Variants in CLPB observed in about 807,000 individuals in gnomAD.
CLPB encodes ClpB family mitochondrial disaggregase.
In CLPB, 40 loss-of-function variants were observed where a neutral mutation model predicts 78.4. That is an observed-to-expected ratio of 0.51 (90% confidence interval 0.40 to 0.66). The LOEUF is 0.66. Ranked by LOEUF, CLPB falls within the 30% of genes least tolerant of loss-of-function variation. The probability of loss-of-function intolerance (pLI) is 0.00; values close to 1 mark genes in which losing one functional copy is unlikely to be tolerated. For missense variants in CLPB, 780 were observed against 886.9 expected, an observed-to-expected ratio of 0.88 and a Z score of 1.53; for synonymous variants, 333 against 348.0, an observed-to-expected ratio of 0.96 and a Z score of 0.48.
At chr11:72,384,687 C>T (rs544458570) in intron 3 of CLPB, among the ~76,000 whole-genome samples, 2 of 151,544 alleles carry the variant, frequency 1.3e-5, no homozygotes, top group African/African-American at 2.4e-5. Context: ...AGACTAAATA[C>T]GAAGGAATGG....
At chr11:72,303,553 C>T (rs1949696658) in intron 9 of CLPB, among the ~76,000 whole-genome samples, 1 of 152,160 alleles carries the variant, frequency 6.6e-6, no homozygotes, top group Non-Finnish European at 1.5e-5. Flanking sequence ...TCCTGTGTTA[C>T]AGAAGGCTCT....
At chr11:72,377,872 C>T (rs74822582) in intron 4 of CLPB, among the ~76,000 whole-genome samples, 1,552 of 152,288 alleles carry the variant, frequency 0.01, 28 homozygotes, top group East Asian at 0.063. Context: ...CACATCACTT[C>T]GTTTGTGTAT....
At chr11:72,387,557 T>C (rs1384480889) in intron 3 of CLPB, among the ~76,000 whole-genome samples, 1 of 151,972 alleles carries the variant, frequency 6.6e-6, no homozygotes, top group Non-Finnish European at 1.5e-5. Context: ...CTTGGACCAG[T>C]GACTACACCT....
chr11:72,407,588 A>G (rs1411766729), intron 2 of CLPB, among the ~76,000 whole-genome samples: 1 of 152,178 alleles, frequency 6.6e-6, no homozygotes, highest in African/African-American at 2.4e-5. Context: ...TATCATTTCA[A>G]TGAAAGAACA....
chr11:72,375,777 G>A (rs1854670086), intron 4 of CLPB, among the ~76,000 whole-genome samples: 1 of 152,252 alleles, frequency 6.6e-6, no homozygotes, highest in Admixed American at 6.5e-5. Context: ...AACTGGCAGA[G>A]TGCCTGATAC....
At chr11:72,385,378 GA>G (rs1855044559) in intron 3 of CLPB, among the ~76,000 whole-genome samples, 2 of 152,170 alleles carry the variant, frequency 1.3e-5, no homozygotes, top group East Asian at 3.9e-4. Flanking sequence ...AGAAAATATA[GA>G]TAACCAAAAG....
At position 72,329,778 on chromosome 11, in the gene CLPB, T is replaced by C. The variant is rs1432534246; in HGVS notation, c.802A>G (p.Met268Val). 1.2e-6 allele frequency: 2 copies of C among 1,613,810 alleles called. No individual in the cohort carries two copies. The highest frequency in any genetic ancestry group is 1.3e-5 in the African/African-American group (1 of 74,886). ...GCATAATCCAAGGGTGTGTGTCCCA[T>C]TTCATTCCTCTGCAGGGGGTTGGCT... ...GGANPLQRNE[M>V]GHTPLDYARE... The change falls in exon 6 of 16, where the codon ATG (methionine) becomes GTG (valine). Residue 268 changes from methionine (M) to valine (V), a missense_variant. Physicochemically the swap from Met to Val is conservative, Grantham distance 21 (BLOSUM62 1). Coordinates refer to ENST00000538039, the MANE Select transcript of CLPB (RefSeq NM_001258392.3).
chr11:72,378,533 A>G (rs1270657121), intron 4 of CLPB, among the ~76,000 whole-genome samples: 1 of 152,222 alleles, frequency 6.6e-6, no homozygotes, highest in African/African-American at 2.4e-5. Flanking sequence ...CCATGATTCA[A>G]TTACTTTTCC....
At chr11:72,322,188 A>G (rs1318389662) in intron 6 of CLPB, among the ~76,000 whole-genome samples, 3 of 152,122 alleles carry the variant, frequency 2.0e-5, no homozygotes, top group African/African-American at 7.2e-5. Context: ...CAGCCCCTTC[A>G]CACTTGGTAA....
intron 2 of CLPB, among the ~76,000 whole-genome samples, chr11:72,422,043 G>A (rs555823967): frequency 2.8e-4 from 42 of 151,298 alleles, no homozygotes; most frequent in African/African-American, 9.5e-4. Context: ...CAAGGCGGGC[G>A]GATCACGAGG....
intron 3 of CLPB, among the ~76,000 whole-genome samples, chr11:72,396,312 G>A (rs541162459): frequency 6.6e-6 from 1 of 152,224 alleles, no homozygotes; most frequent in African/African-American, 2.4e-5. Context: ...GACTCTTGTG[G>A]GGAATTTCAA....
intron 2 of CLPB, among the ~76,000 whole-genome samples, chr11:72,418,611 C>T (rs930773318): frequency 2.0e-5 from 3 of 152,126 alleles, no homozygotes; most frequent in African/African-American, 7.2e-5. Flanking sequence ...AATCCCAGCA[C>T]TTTGGGAGGC....
chr11:72,312,465 C>CCCCCAAT lies in CLPB; in HGVS notation c.989-3862_989-3861insATTGGGG, dbSNP rs1161053647. Among the ~76,000 whole-genome samples, 3 of 152,152 alleles carry CCCCCAAT rather than the reference C, an allele frequency of 2.0e-5. No individual in the cohort carries two copies. Among genetic ancestry groups the CCCCCAAT allele is most frequent in the African/African-American group, 7.2e-5 (3 of 41,434 alleles). On this transcript the variant is annotated intron_variant, in intron 7 of 15. Coordinates refer to ENST00000538039, the MANE Select transcript of CLPB (RefSeq NM_001258392.3). This position sits in a 1 kb window ranked among gnomAD's most constrained non-coding sequence, Gnocchi z 4.2. ...CAGGGAGGGTGTGCCCCCAATCTGA[C>CCCCCAAT]CATATTCCATGGGAGCAGGTGCTGG...
In CLPB at chr11:72,290,100, G is replaced by C. The variant is rs1738352717; in HGVS notation, c.*3267C>G. The C allele has an allele frequency of 6.6e-6, 1 of 152,114 alleles. No individual in the cohort carries two copies. Among genetic ancestry groups the C allele is most frequent in the African/African-American group, 2.4e-5 (1 of 41,408 alleles). 9.4% of individuals were successfully genotyped at this position (152,114 alleles called of 1,614,324 possible). A position where few individuals can be genotyped will look rare whatever the true frequency, so the allele number is the denominator to read the frequency against. On this transcript the variant is annotated 3_prime_UTR_variant, in exon 16 of 16. Coordinates refer to ENST00000538039, the MANE Select transcript of CLPB (RefSeq NM_001258392.3). ...TTGGTTTCTAAGTTCCTTTTTTCTG[G>C]AATAAAAGGAACTGGGAGCTTCTTA...
Position 72,362,739 on chromosome 11 carries a change from G to C in CLPB, c.647-3731C>G, listed in dbSNP as rs964132101. Among the ~76,000 whole-genome samples, 21 of 152,180 alleles carry C rather than the reference G, an allele frequency of 1.4e-4. 3 individuals are homozygous for C. The highest frequency in any genetic ancestry group is 1.2e-3 in the Admixed American group (18 of 15,280). ...GGCTGGGTACAGTGCCTAGCATATA[G>C]TAGCTCTCAATAAATGTTAGTCATT... On this transcript the variant is annotated intron_variant, in intron 4 of 15. Coordinates refer to ENST00000538039, the MANE Select transcript of CLPB (RefSeq NM_001258392.3).
At chr11:72,390,102 C>T (rs2135043411) in intron 3 of CLPB, among the ~76,000 whole-genome samples, 1 of 152,238 alleles carries the variant, frequency 6.6e-6, no homozygotes. Context: ...TCTGTAGGAG[C>T]ACTTTGCCCC....
intron 15 of CLPB, among the ~76,000 whole-genome samples, 179 bp downstream of exon 15, chr11:72,293,843 T>TC (rs1287133085): frequency 1.3e-5 from 2 of 152,188 alleles, no homozygotes; most frequent in African/African-American, 2.4e-5. Flanking sequence ...TGGGCTACCC[T>TC]CCAGCAGGGG....
chr11:72,286,221 CTGT>C lies in CLPB; in HGVS notation c.*7143_*7145del, dbSNP rs1213634652. ...AGATTACAGGTGTGAGATACTGCAC[CTGT>C]TTTTTTTTTTTTTTTTTTTTTTAAG... On this transcript the variant is annotated 3_prime_UTR_variant, in exon 16 of 16. Coordinates refer to ENST00000538039, the MANE Select transcript of CLPB (RefSeq NM_001258392.3). The C allele has an allele frequency of 1.7e-5, 1 of 59,120 alleles. No homozygotes were observed. Among genetic ancestry groups the C allele is most frequent in the African/African-American group, 7.7e-5 (1 of 12,964 alleles). 3.7% of individuals were successfully genotyped at this position (59,120 alleles called of 1,614,324 possible).
At chr11:72,300,618 AGATCTG>A (rs1373489630) in intron 11 of CLPB, among the ~76,000 whole-genome samples, 3 of 152,132 alleles carry the variant, frequency 2.0e-5, no homozygotes, top group African/African-American at 7.2e-5. Context: ...AGCTGGTAGG[AGATCTG>A]GATCTGGATC....
Sources: gnomAD v4.1 joint callset for allele counts (sites outside exome capture counted in the v4.1 genomes callset) on GRCh38, gnomAD v4.1.1 for gene constraint, Gnocchi (gnomAD v3.1) non-coding constraint, MANE v1.5 for transcripts, NCBI Gene and HGNC (gene_info 2026-07-23, HGNC 2026-07-21) for gene names.